QRICH2: variants seen among roughly 807,000 people sequenced by gnomAD.
QRICH2 encodes glutamine-rich protein 2.
QRICH2 carries 119 observed loss-of-function variants against 168.3 expected under a neutral mutation model. The observed-to-expected ratio is 0.71, with a 90% CI of 0.61 to 0.82. The LOEUF is 0.82. Among genes scored for constraint, QRICH2 ranks in the 40% least tolerant of loss-of-function variants. The pLI, the probability that QRICH2 is intolerant of heterozygous loss-of-function variation, is 0.00. For missense variants in QRICH2, 2,241 were observed against 2,491.6 expected, an observed-to-expected ratio of 0.90 and a Z score of 2.14; for synonymous variants, 894 against 951.2, an observed-to-expected ratio of 0.94 and a Z score of 1.11.
In QRICH2 at chr17:76,278,177, G is replaced by T; in HGVS notation, c.4929C>A (p.Gly1643=). The change falls in exon 15 of 19, where the codon GGC becomes GGA. Residue 1643 remains glycine (G), a synonymous_variant. Coordinates refer to ENST00000680821, the MANE Select transcript of QRICH2 (RefSeq NM_001388453.1). The stretch of plus-strand genomic sequence containing the variant: ...CCAGGTCACCCCGAGGGAAGGCGCT[G>T]CCCAGCTTGAGGCTGCAGGGTGTGA... ...VRQHSRNLKL[G]SAFPRGDLAQ... 1 of 1,606,586 alleles carries T rather than the reference G, an allele frequency of 6.2e-7. No homozygotes were observed. The highest frequency in any genetic ancestry group is 8.5e-7 in the Non-Finnish European group (1 of 1,179,992).
chr17:76,291,920 G>T lies in QRICH2; in HGVS notation c.2807C>A (p.Ala936Asp), dbSNP rs1466180710. 1 of 1,614,050 alleles carries T rather than the reference G, an allele frequency of 6.2e-7. No homozygotes were observed. Residue 936 changes from alanine (A) to aspartate (D), a missense_variant, in exon 4 of 19, where the codon GCC (alanine) becomes GAC (aspartate). Transcript: ENST00000680821. ...AGGTTGTACCAAACCAAGAGGATAG[G>T]CACCAGGTTGTACCAGGCCATGTGG... ...ADPHGLVQPG[A>D]YPLGLVQPGA...
chr17:76,292,852 CA>C lies in QRICH2; in HGVS notation c.1874del (p.Met625ArgfsTer16). ...CAGGTTGGGCCAAACCAGACTGATC[CA>C]TTCCAGGCCAGACCAAACCACGCTG... Reference protein sequence around the residue: ...ADQRGLVWPGMDQSGLAQPGR... With the variant: ...ADQRGLVWPGXDQSGLAQPGR... On this transcript the variant is annotated frameshift_variant, in exon 4 of 19. Transcript: ENST00000680821. LOFTEE classifies it high-confidence loss of function. 6.3e-7 allele frequency: 1 copy of C among 1,593,786 alleles called. No homozygotes were observed. Among genetic ancestry groups the C allele is most frequent in the African/African-American group, 1.6e-5 (1 of 61,456 alleles).
chr17:76,306,707 T>C (rs1166366360), intron 1 of QRICH2, among the ~76,000 whole-genome samples: 1 of 152,008 alleles, frequency 6.6e-6, no homozygotes, highest in African/African-American at 2.4e-5. Flanking sequence ...GCCAACATGG[T>C]GAAACTCCTT....
chr17:76,276,817 C>T, intron 16 of QRICH2, 50 bp from the exon 17 acceptor site: 2 of 1,426,498 alleles, frequency 1.4e-6, no homozygotes, highest in South Asian at 1.2e-5. Context: ...ACAGCCCTCC[C>T]CTGGCCCCTT....
chr17:76,308,962 G>C (rs79977866), upstream of QRICH2, among the ~76,000 whole-genome samples: 608 of 151,024 alleles, frequency 4.0e-3, 9 homozygotes, highest in East Asian at 0.055. Flanking sequence ...GGCCAGGCTG[G>C]TCTTGAACTC....
At chr17:76,277,896 G>T in intron 15 of QRICH2, 93 bp downstream of exon 15, 1 of 1,364,084 alleles carries the variant, frequency 7.3e-7, no homozygotes, top group Non-Finnish European at 1.0e-6. Context: ...TCCCCCAGCA[G>T]TGGGGCAAGG....
chr17:76,290,934 G>T lies in QRICH2; in HGVS notation c.3712+81C>A. The T allele has an allele frequency of 5.2e-6, 8 of 1,550,498 alleles. No individual in the cohort carries two copies. In the South Asian group the frequency reaches 8.7e-5, roughly 17 times the overall value. ...TCAGGGAGATGTGTAGCAGCCAGGA[G>T]TTGAGGCCAGGGGAAGAAAAGGATG... On this transcript the variant is annotated intron_variant, in intron 4 of 18. Coordinates refer to ENST00000680821, the MANE Select transcript of QRICH2 (RefSeq NM_001388453.1).
intron 7 of QRICH2, among the ~76,000 whole-genome samples, chr17:76,285,517 G>A (rs1195488088): frequency 2.0e-5 from 3 of 151,290 alleles, no homozygotes; most frequent in Non-Finnish European, 1.5e-5. Context: ...ATCTACCTGC[G>A]TCGTCCTCCC....
chr17:76,296,543 T>G (rs955027665), intron 3 of QRICH2, among the ~76,000 whole-genome samples: 9 of 151,866 alleles, frequency 5.9e-5, no homozygotes, highest in African/African-American at 2.2e-4. Flanking sequence ...TCCCAGAACT[T>G]TCAGTGGGTG....
intron 3 of QRICH2, among the ~76,000 whole-genome samples, chr17:76,302,816 G>A (rs780498027): frequency 6.6e-6 from 1 of 151,958 alleles, no homozygotes; most frequent in Non-Finnish European, 1.5e-5. Flanking sequence ...CACAAGAAGC[G>A]CATACTGTCC....
At chr17:76,302,153 C>T (rs1249273454) in intron 3 of QRICH2, among the ~76,000 whole-genome samples, 5 of 152,068 alleles carry the variant, frequency 3.3e-5, no homozygotes. Context: ...CCACCTCAGC[C>T]TCCCAAAGTG....
chr17:76,292,104 C>T lies in QRICH2; in HGVS notation c.2623G>A (p.Gly875Arg). 3.1e-6 allele frequency: 5 copies of T among 1,613,464 alleles called. No homozygotes were observed. The South Asian group carries it at 3.3e-5, about 11-fold the overall frequency. The part of the protein sequence containing the change: ...GVDQRGLVQP[G>R]VDQRGLVQPG... ...TGGACCAAACCACGCTGATCCACTC[C>T]AGGTTGCACCAAACCACGCTGATCC... The change falls in exon 4 of 19, where the codon GGA (glycine) becomes AGA (arginine). Residue 875 changes from glycine to arginine, a missense_variant. Gly to Arg is a moderately radical substitution (Grantham distance 125, BLOSUM62 -2). Around this residue, in one of 3 missense-constraint regions of QRICH2, gnomAD observed 2,047 missense variants for 2,303.8 expected, o/e 0.89. Transcript: ENST00000680821.
In QRICH2 at chr17:76,307,916, G is replaced by C. The variant is rs899704006; in HGVS notation, c.83C>G (p.Thr28Arg). ...GGCCACGATGAGCGTGTGCAGGGCC[G>C]TGAAGTTGACGGCGCCCACCTCTGG... ...GTPEVGAVNF[T>R]ALHTLIVAML... is the part of the protein sequence containing the mutation. The change falls in exon 1 of 19, where the codon ACG becomes AGG. Residue 28 changes from threonine (T) to arginine (R), a missense_variant. By Grantham distance (71) the Thr-to-Arg change is moderately conservative. Coordinates refer to ENST00000680821, the MANE Select transcript of QRICH2 (RefSeq NM_001388453.1). This position sits in a 1 kb window ranked among gnomAD's most constrained non-coding sequence, Gnocchi z 5.3. 1 of 1,239,708 alleles carries C rather than the reference G, an allele frequency of 8.1e-7. No homozygotes were observed. Among genetic ancestry groups the C allele is most frequent in the Non-Finnish European group, 1.0e-6 (1 of 992,396 alleles). 76.8% of individuals were successfully genotyped at this position (1,239,708 alleles called of 1,614,324 possible).
Position 76,280,222 on chromosome 17 carries a change from T to C in QRICH2, c.4626+65A>G. ...GGTAGGGGGCTGACCCAGGAGAAGG[T>C]GGTGCTGTCCCGATCCTGGGGGCAA... On this transcript the variant is annotated intron_variant, in intron 11 of 18. Transcript: ENST00000680821. This position sits in a 1 kb window ranked among gnomAD's most constrained non-coding sequence, Gnocchi z 7.4. 6.2e-7 allele frequency: 1 copy of C among 1,607,266 alleles called. No homozygotes were observed. The highest frequency in any genetic ancestry group is 2.2e-5 in the East Asian group (1 of 44,788).
At position 76,280,527 on chromosome 17, in the gene QRICH2, C is replaced by T; in HGVS notation, c.4462-76G>A. On this transcript the variant is annotated intron_variant, in intron 10 of 18. Coordinates refer to ENST00000680821, the MANE Select transcript of QRICH2 (RefSeq NM_001388453.1). The surrounding 1 kb of genome is among the most constrained non-coding windows in gnomAD (Gnocchi z 7.4). Reference sequence around the variant, plus strand: ...GGCCCCATTCCCTGGGGGTGTCGACCCCTATCACCAGGCAGGTTTCTGAGA... The same window carrying T: ...GGCCCCATTCCCTGGGGGTGTCGACTCCTATCACCAGGCAGGTTTCTGAGA... 1 of 1,592,966 alleles carries T rather than the reference C, an allele frequency of 6.3e-7. No individual in the cohort carries two copies. The highest frequency in any genetic ancestry group is 8.6e-7 in the Non-Finnish European group (1 of 1,166,452).
At chr17:76,306,391 C>G (rs956120662) in intron 1 of QRICH2, among the ~76,000 whole-genome samples, 1 of 152,062 alleles carries the variant, frequency 6.6e-6, no homozygotes, top group African/African-American at 2.4e-5. Context: ...CCTCTTTTTC[C>G]CCTCCTGTCT....
rs372790653 is a variant in QRICH2 at position 76,281,896 on chromosome 17, G to A, written c.4231C>T (p.Arg1411Ter). The A allele has an allele frequency of 2.9e-5, 47 of 1,613,506 alleles. No individual in the cohort carries two copies. The East Asian group carries it at 5.1e-4, about 18-fold the overall frequency. ...TGGAGCTTGGCCTTCTTGGAGGGTC[G>A]GGAGACGGCCAGGCTGTTGACCATG... ...QDMVNSLAVS[R>*]PSKKAKLQRQ... is the part of the protein sequence containing the mutation. Residue 1411 changes from arginine (R) to a stop codon, truncating the protein, a stop_gained, in exon 8 of 19, where the codon CGA (arginine) becomes TGA (stop). Transcript: ENST00000680821. LOFTEE classifies it high-confidence loss of function. The surrounding 1 kb of genome is among the most constrained non-coding windows in gnomAD (Gnocchi z 4.4).
chr17:76,277,469 T>G (rs927084266), intron 15 of QRICH2, among the ~76,000 whole-genome samples, 159 bp from the exon 16 acceptor site: 2 of 151,448 alleles, frequency 1.3e-5, no homozygotes, highest in Admixed American at 1.3e-4. Flanking sequence ...CGGGCGGGGG[T>G]AGAGCAGCCG....
intron 5 of QRICH2, among the ~76,000 whole-genome samples, chr17:76,288,297 T>A (rs1218810522): frequency 7.1e-6 from 1 of 141,168 alleles, no homozygotes; most frequent in Non-Finnish European, 1.5e-5. Flanking sequence ...GACACGAGAA[T>A]CATTTGAACC....
Sources: gnomAD v4.1 joint callset for allele counts (sites outside exome capture counted in the v4.1 genomes callset) on GRCh38, gnomAD v4.1.1 for gene constraint, gnomAD v4.1.1 regional missense constraint, Gnocchi (gnomAD v3.1) non-coding constraint, MANE v1.5 for transcripts, NCBI Gene and HGNC (gene_info 2026-07-23, HGNC 2026-07-21) for gene names.